Variants in CSRNP3 observed in about 807,000 individuals in gnomAD.
The protein encoded by CSRNP3 is cysteine/serine-rich nuclear protein 3.
Under a neutral mutation model 48.0 loss-of-function variants are expected in CSRNP3, and 12 were observed. That is an observed-to-expected ratio of 0.25 (90% CI 0.16 to 0.41). CSRNP3 has a LOEUF of 0.41. Ranked by LOEUF, CSRNP3 falls within the 10% of genes least tolerant of loss-of-function variation. The pLI, the probability that CSRNP3 is intolerant of heterozygous loss-of-function variation, is 1.00. For synonymous variants in CSRNP3, 263 were observed against 269.7 expected (o/e 0.98, Z 0.24); for missense variants, 580 against 724.4 (o/e 0.80, Z 2.29).
chr2:165,595,534 A>G (rs1438560439), intron 4 of CSRNP3, among the ~76,000 whole-genome samples: 1 of 151,844 alleles, frequency 6.6e-6, no homozygotes, highest in Non-Finnish European at 1.5e-5. Flanking sequence ...TCCAGTTTCA[A>G]AAAAAAAGTA....
At chr2:165,645,899 G>GTTT (rs527992036) in intron 4 of CSRNP3, among the ~76,000 whole-genome samples, 3 of 149,418 alleles carry the variant, frequency 2.0e-5, no homozygotes, top group African/African-American at 7.5e-5. Context: ...TTTGTTTTGT[G>GTTT]TTTTTTTTGT....
At chr2:165,637,762 A>T (rs1343392152) in intron 4 of CSRNP3, among the ~76,000 whole-genome samples, 3 of 152,220 alleles carry the variant, frequency 2.0e-5, no homozygotes, top group Non-Finnish European at 4.4e-5. Flanking sequence ...AATGTACAAA[A>T]TGGAGAATTT....
intron 5 of CSRNP3, among the ~76,000 whole-genome samples, chr2:165,659,772 A>G (rs1443085155): frequency 6.6e-6 from 1 of 152,232 alleles, no homozygotes; most frequent in Non-Finnish European, 1.5e-5. Context: ...CTGAAGCACC[A>G]TAAGCACAGC....
intron 2 of CSRNP3, among the ~76,000 whole-genome samples, chr2:165,499,404 G>T (rs921726669): frequency 2.0e-5 from 3 of 152,052 alleles, no homozygotes; most frequent in African/African-American, 7.2e-5. Flanking sequence ...ACATGGTTCT[G>T]CTTAAAAGAA....
intron 3 of CSRNP3, among the ~76,000 whole-genome samples, chr2:165,550,620 T>C (rs1381840903): frequency 6.6e-6 from 1 of 152,204 alleles, no homozygotes; most frequent in African/African-American, 2.4e-5. Context: ...GAAATAAAGA[T>C]TCATTCATCC....
intron 3 of CSRNP3, among the ~76,000 whole-genome samples, chr2:165,528,647 G>A (rs760353201): frequency 1.6e-4 from 25 of 152,166 alleles, no homozygotes; most frequent in Non-Finnish European, 3.4e-4. Context: ...GGATTTTTAA[G>A]TTCATTTCTG....
At chr2:165,574,458 G>C in intron 3 of CSRNP3, 1 of 1,492,786 alleles carries the variant, frequency 6.7e-7, no homozygotes, top group East Asian at 2.5e-5. Flanking sequence ...TGATGCGCCT[G>C]ATTTTATTTC....
At chr2:165,517,133 A>G (rs1469183291) in intron 2 of CSRNP3, among the ~76,000 whole-genome samples, 1 of 152,070 alleles carries the variant, frequency 6.6e-6, no homozygotes, top group Non-Finnish European at 1.5e-5. Flanking sequence ...GACATACAAG[A>G]GTAGAAAATT....
At chr2:165,477,413 G>A (rs1218236825) in intron 1 of CSRNP3, among the ~76,000 whole-genome samples, 2 of 142,390 alleles carry the variant, frequency 1.4e-5, no homozygotes, top group Non-Finnish European at 3.1e-5. Flanking sequence ...GAGGTCAGAA[G>A]TTCGAGACCA....
intron 3 of CSRNP3, among the ~76,000 whole-genome samples, chr2:165,520,912 C>G (rs953057974): frequency 1.3e-5 from 2 of 149,498 alleles, no homozygotes; most frequent in African/African-American, 4.9e-5. Context: ...ACTGCAGCCT[C>G]AACCTCCTGG....
chr2:165,521,010 G>A (rs532856782), intron 3 of CSRNP3, among the ~76,000 whole-genome samples: 3 of 150,638 alleles, frequency 2.0e-5, no homozygotes, highest in Admixed American at 2.0e-4. Context: ...AAAATTTTTT[G>A]TAGAGACAAG....
intron 4 of CSRNP3, among the ~76,000 whole-genome samples, chr2:165,636,869 T>C (rs1343980517): frequency 2.0e-5 from 3 of 152,136 alleles, no homozygotes; most frequent in Admixed American, 6.5e-5. Flanking sequence ...GCAAAACACA[T>C]AGATTTGGTT....
At position 165,572,857 on chromosome 2, in the gene CSRNP3, T is replaced by C. The variant is rs534682294; in HGVS notation, c.-23-22186T>C. ...AGAAATAAATTCATCCAATAATTTT[T>C]AATCTCCTGTGTATGCAGAAATAAT... On this transcript the variant is annotated intron_variant, in intron 3 of 6. Coordinates refer to ENST00000651982, the MANE Select transcript of CSRNP3 (RefSeq NM_001172173.2). Among the ~76,000 whole-genome samples, 19 of 152,334 alleles carry C rather than the reference T, an allele frequency of 1.2e-4. No homozygotes were observed. The South Asian group carries it at 3.3e-3, about 27-fold the overall frequency.
At position 165,679,282 on chromosome 2, in the gene CSRNP3, T is replaced by C; in HGVS notation, c.1287T>C (p.Tyr429=). ...HESHAKNASF[Y]ANSSTLYYQI... ...GCCATGCAAAGAATGCTTCTTTTTA[T>C]GCCAACTCTTCAACTCTGTATTACC... Residue 429 remains tyrosine (Y), a synonymous_variant, in exon 7 of 7, where the codon TAT becomes TAC. Transcript: ENST00000651982. 1 of 1,613,948 alleles carries C rather than the reference T, an allele frequency of 6.2e-7. No individual in the cohort carries two copies. Among genetic ancestry groups the C allele is most frequent in the Non-Finnish European group, 8.5e-7 (1 of 1,179,958 alleles).
intron 3 of CSRNP3, chr2:165,574,566 T>C: frequency 1.9e-6 from 1 of 535,962 alleles, no homozygotes; most frequent in Non-Finnish European, 3.2e-6. Context: ...TTTATTTTTT[T>C]AATTTTCTTC....
intron 3 of CSRNP3, among the ~76,000 whole-genome samples, chr2:165,574,774 G>T (rs910692710): frequency 2.0e-5 from 3 of 152,062 alleles, no homozygotes; most frequent in African/African-American, 7.2e-5. Context: ...TTAAAGAAAT[G>T]TATTTAAAAT....
chr2:165,481,305 C>T (rs1233232823), intron 1 of CSRNP3, among the ~76,000 whole-genome samples: 2 of 152,180 alleles, frequency 1.3e-5, no homozygotes, highest in Non-Finnish European at 2.9e-5. Context: ...AAGATACGGT[C>T]ACTTAATGAG....
intron 3 of CSRNP3, among the ~76,000 whole-genome samples, chr2:165,538,902 C>T (rs748315555): frequency 4.0e-5 from 6 of 151,898 alleles, no homozygotes; most frequent in Admixed American, 6.6e-5. Flanking sequence ...GTAGTAAAAA[C>T]TATGTTTAAC....
intron 4 of CSRNP3, among the ~76,000 whole-genome samples, chr2:165,656,457 A>G (rs560077634): frequency 2.6e-5 from 4 of 152,298 alleles, no homozygotes; most frequent in East Asian, 1.9e-4. Flanking sequence ...TGATATGTTA[A>G]TTAGTTTGAT....
Sources: gnomAD v4.1 joint callset for allele counts (sites outside exome capture counted in the v4.1 genomes callset) on GRCh38, gnomAD v4.1.1 for gene constraint, MANE v1.5 for transcripts, NCBI Gene and HGNC (gene_info 2026-07-23, HGNC 2026-07-21) for gene names.